The following AOPEP variants were observed in gnomAD, a reference collection of about 807,000 sequenced individuals.
AOPEP encodes aminopeptidase O.
In AOPEP, 77 loss-of-function variants were observed where a neutral mutation model predicts 98.1. The observed-to-expected ratio is 0.78, with a 90% CI of 0.65 to 0.95. AOPEP has a LOEUF of 0.95. Ranked by LOEUF, AOPEP falls within the 40% of genes least tolerant of loss-of-function variation. The pLI, the probability that AOPEP is intolerant of heterozygous loss-of-function variation, is 0.00. For missense variants in AOPEP, 1,024 were observed against 1,024.7 expected (o/e 1.00, Z 0.01); for synonymous variants, 346 against 365.3 (o/e 0.95, Z 0.60).
At chr9:95,017,192 C>G (rs972390067) in intron 13 of AOPEP, among the ~76,000 whole-genome samples, 4 of 151,760 alleles carry the variant, frequency 2.6e-5, no homozygotes, top group Admixed American at 2.6e-4. Context: ...TTCTCCCTAA[C>G]CATCACACAT....
chr9:95,144,038 T>C, the AOPEP span, among the ~76,000 whole-genome samples: 16 of 151,560 alleles, frequency 1.1e-4, no homozygotes, highest in African/African-American at 3.7e-4. Context: ...ACTGGTGTAC[T>C]GTGGTAAGCA....
chr9:95,060,796 G>T lies in AOPEP; in HGVS notation c.2218G>T (p.Asp740Tyr). ...CCTCCAGAGGACATACCACCTCCAG[G>T]ATCAGGATGCAGAGGTAACCAGGAA... is the stretch of plus-strand genomic sequence containing the variant. ...QSLQRTYHLQ[D>Y]QDAEVRHRWC... Residue 740 changes from aspartate to tyrosine, a missense_variant, in exon 14 of 17, where the codon GAT (aspartate) becomes TAT (tyrosine). By Grantham distance (160) the Asp-to-Tyr change is radical. This residue lies in a region of AOPEP where 566 missense variants were observed against 551.7 expected (regional missense o/e 1.03). Coordinates refer to ENST00000375315, the MANE Select transcript of AOPEP (RefSeq NM_001193329.3). 6.2e-7 allele frequency: 1 copy of T among 1,609,728 alleles called. No individual in the cohort carries two copies. The highest frequency in any genetic ancestry group is 8.5e-7 in the Non-Finnish European group (1 of 1,175,964).
chr9:95,122,254 T>C, the AOPEP span, among the ~76,000 whole-genome samples: 1 of 152,122 alleles, frequency 6.6e-6, no homozygotes, highest in Non-Finnish European at 1.5e-5. Flanking sequence ...GGTTTACAGA[T>C]ACTCATTTTA....
At chr9:94,745,312 T>C (rs1160554627) in intron 1 of AOPEP, among the ~76,000 whole-genome samples, 2 of 151,824 alleles carry the variant, frequency 1.3e-5, no homozygotes, top group African/African-American at 4.8e-5. Context: ...AGTCTGGCTC[T>C]GTCGCCTAGG....
At chr9:94,752,299 T>G (rs1355474408) in intron 1 of AOPEP, among the ~76,000 whole-genome samples, 1 of 151,900 alleles carries the variant, frequency 6.6e-6, no homozygotes, top group African/African-American at 2.4e-5. Flanking sequence ...GAAATCTCCC[T>G]TCCACTTCAG....
chr9:95,129,205 C>T, the AOPEP span, among the ~76,000 whole-genome samples: 1 of 152,150 alleles, frequency 6.6e-6, no homozygotes, highest in South Asian at 2.1e-4. Context: ...CTCATCTGCA[C>T]CCCTCACCGA....
intron 13 of AOPEP, among the ~76,000 whole-genome samples, chr9:95,018,080 C>T (rs190225760): frequency 4.6e-5 from 7 of 152,292 alleles, no homozygotes; most frequent in African/African-American, 1.4e-4. Flanking sequence ...TTATGAATAA[C>T]CCATCTGTGG....
chr9:94,950,579 T>C (rs542700826), intron 7 of AOPEP, among the ~76,000 whole-genome samples: 9 of 152,300 alleles, frequency 5.9e-5, no homozygotes, highest in African/African-American at 2.2e-4. Flanking sequence ...ACTTCCTCCA[T>C]TGTTGCAGGG....
At chr9:95,096,540 G>A in the AOPEP span, among the ~76,000 whole-genome samples, 6 of 152,336 alleles carry the variant, frequency 3.9e-5, no homozygotes, top group South Asian at 2.1e-4. Context: ...TCTCCGGGCC[G>A]GTGATCCAGG....
At chr9:95,054,766 T>C (rs2066681043) in intron 13 of AOPEP, among the ~76,000 whole-genome samples, 4 of 152,220 alleles carry the variant, frequency 2.6e-5, no homozygotes, top group Admixed American at 2.6e-4. Context: ...GAATATTTGC[T>C]GCTACTTGAA....
chr9:94,745,614 T>C (rs932294705), intron 1 of AOPEP, among the ~76,000 whole-genome samples: 2 of 152,212 alleles, frequency 1.3e-5, no homozygotes, highest in African/African-American at 4.8e-5. Context: ...AGTGAGAACA[T>C]GGAAGTCTGT....
intron 7 of AOPEP, among the ~76,000 whole-genome samples, chr9:94,953,907 C>T: frequency 6.6e-6 from 1 of 152,028 alleles, no homozygotes; most frequent in East Asian, 1.9e-4. Flanking sequence ...CTAGATGGCC[C>T]AAAGGATCTG....
chr9:95,057,907 G>A (rs2066969482), intron 13 of AOPEP, among the ~76,000 whole-genome samples: 1 of 152,150 alleles, frequency 6.6e-6, no homozygotes, highest in African/African-American at 2.4e-5. Context: ...GTTTTAGGGG[G>A]AGCAGATACC....
chr9:95,094,565 A>G, the AOPEP span, among the ~76,000 whole-genome samples: 3 of 152,186 alleles, frequency 2.0e-5, no homozygotes, highest in African/African-American at 7.2e-5. Context: ...AGCTCATATG[A>G]GAGGATTCAT....
At chr9:95,091,812 G>T (rs2070870968), downstream of AOPEP, among the ~76,000 whole-genome samples, 1 of 152,176 alleles carries the variant, frequency 6.6e-6, no homozygotes, top group Non-Finnish European at 1.5e-5. Context: ...TGGGGTGGAA[G>T]GAAACCACCG....
At chr9:94,961,220 T>C (rs2058817499) in intron 9 of AOPEP, among the ~76,000 whole-genome samples, 1 of 152,202 alleles carries the variant, frequency 6.6e-6, no homozygotes, top group African/African-American at 2.4e-5. Flanking sequence ...AGAAGAATTC[T>C]TTCCTTATCT....
intron 1 of AOPEP, among the ~76,000 whole-genome samples, chr9:94,739,198 G>A (rs1416720946): frequency 6.6e-6 from 1 of 152,180 alleles, no homozygotes; most frequent in African/African-American, 2.4e-5. Flanking sequence ...AAGGTTGGCT[G>A]CAGCGTGGCC....
At chr9:94,761,260 C>T (rs889178303) in intron 2 of AOPEP, among the ~76,000 whole-genome samples, 2 of 152,134 alleles carry the variant, frequency 1.3e-5, no homozygotes, top group Non-Finnish European at 2.9e-5. Context: ...ATGGAGGTGT[C>T]GTTTTCTAGA....
At chr9:95,070,065 C>T (rs1050942426) in intron 14 of AOPEP, among the ~76,000 whole-genome samples, 1 of 152,216 alleles carries the variant, frequency 6.6e-6, no homozygotes. Context: ...ATGTGGACAG[C>T]CCTGATGTGA....
Sources: allele counts gnomAD v4.1 joint callset (sites outside exome capture counted in the v4.1 genomes callset), GRCh38; gene constraint gnomAD v4.1.1; regional missense constraint gnomAD v4.1.1; transcripts MANE v1.5; gene names NCBI Gene and HGNC (gene_info 2026-07-23, HGNC 2026-07-21).